IFT74: variants seen among roughly 807,000 people sequenced by gnomAD.
IFT74 encodes intraflagellar transport 74.
In IFT74, 92 loss-of-function variants were observed where a neutral mutation model predicts 96.7. That is an observed-to-expected ratio of 0.95 (90% CI 0.80 to 1.13). IFT74 has a LOEUF of 1.13. Among genes scored for constraint, IFT74 ranks in the 50% most tolerant of loss-of-function variants. IFT74 has a pLI of 0.00. For missense variants in IFT74, 811 were observed against 698.2 expected (o/e 1.16, Z -1.82); for synonymous variants, 223 against 213.2 (o/e 1.05, Z -0.40).
rs1164348152 is a variant in IFT74 at position 26,984,528 on chromosome 9, A to G, written c.434A>G (p.Glu145Gly). The change falls in exon 6 of 20, where the codon GAG becomes GGG. Residue 145 changes from glutamate (E) to glycine (G), a missense_variant. By Grantham distance (98) the Glu-to-Gly change is moderately conservative. Transcript: ENST00000380062. ...GAGACTTTAGCTGTTGAGATAAAAG[A>G]GCTTCAAGGACAACTAGCAGACTAC... is the stretch of plus-strand genomic sequence containing the variant. The part of the protein sequence containing the change: ...RAETLAVEIK[E>G]LQGQLADYNM... The G allele has an allele frequency of 1.2e-6, 2 of 1,612,490 alleles. No individual in the cohort carries two copies. The highest frequency in any genetic ancestry group is 1.7e-6 in the Non-Finnish European group (2 of 1,178,896).
chr9:27,047,473 A>C, intron 15 of IFT74, 102 bp downstream of exon 15: 2 of 606,672 alleles, frequency 3.3e-6, no homozygotes, highest in Non-Finnish European at 5.7e-6. Flanking sequence ...GTATCTTCTC[A>C]TTTAACTGCT....
intron 2 of IFT74, among the ~76,000 whole-genome samples, chr9:26,967,973 A>G (rs1472416291): frequency 2.0e-5 from 3 of 151,834 alleles, no homozygotes; most frequent in Non-Finnish European, 4.4e-5. Flanking sequence ...TGTGTTGTTT[A>G]ATTCAGTTTG....
chr9:26,951,916 T>G (rs976427541), upstream of IFT74, among the ~76,000 whole-genome samples: 1 of 152,138 alleles, frequency 6.6e-6, no homozygotes, highest in African/African-American at 2.4e-5. Context: ...AAGTGAAATA[T>G]GAACTTCATC....
chr9:26,951,974 T>C (rs1383466169), upstream of IFT74, among the ~76,000 whole-genome samples: 1 of 152,246 alleles, frequency 6.6e-6, no homozygotes, highest in Non-Finnish European at 1.5e-5. Flanking sequence ...TTGCCAGTAC[T>C]GTGGAACATG....
intron 2 of IFT74, among the ~76,000 whole-genome samples, chr9:26,975,754 T>TAATC (rs1422191487): frequency 2.0e-5 from 3 of 152,174 alleles, no homozygotes; most frequent in Non-Finnish European, 4.4e-5. Flanking sequence ...TATTAGAGAT[T>TAATC]TCTTGCCTAT....
At chr9:26,950,464 T>TG (rs986453449) in intron 1 of IFT74, among the ~76,000 whole-genome samples, 6 of 152,182 alleles carry the variant, frequency 3.9e-5, no homozygotes, top group South Asian at 4.1e-4. Context: ...GGAGTTGGGG[T>TG]GGGGGGTCAC....
intron 8 of IFT74, chr9:26,995,238 A>G (rs1366020934): frequency 4.6e-6 from 1 of 218,740 alleles, no homozygotes; most frequent in Non-Finnish European, 9.1e-6. Flanking sequence ...TTCATGAATA[A>G]TTTAGACCTT....
At chr9:27,010,775 A>G (rs913154338) in intron 9 of IFT74, among the ~76,000 whole-genome samples, 19 of 152,116 alleles carry the variant, frequency 1.2e-4, no homozygotes, top group South Asian at 6.2e-4. Context: ...GCCGAGATCC[A>G]CTTTTTTAGG....
rs1294427976 is a variant in IFT74 at position 26,982,543 on chromosome 9, C to T, written c.306-1714C>T. On this transcript the variant is annotated intron_variant, in intron 4 of 19. Transcript: ENST00000380062. ...CTGATCTCTGGCACCGCAACCTCCG[C>T]CTCCCGGGTTCAAGTGATTCTCCTG... The T allele has an allele frequency of 1.4e-5, 4 of 288,144 alleles. No individual in the cohort carries two copies. In the East Asian group the frequency reaches 3.9e-4, roughly 28 times the overall value. The allele number at this position is 288,144 out of a possible 1,614,324, so 17.8% of individuals were successfully genotyped here. A position where few individuals can be genotyped will look rare whatever the true frequency, so the allele number is the denominator to read the frequency against.
chr9:26,961,609 G>C (rs2131478578), intron 1 of IFT74, among the ~76,000 whole-genome samples: 1 of 152,280 alleles, frequency 6.6e-6, no homozygotes, highest in South Asian at 2.1e-4. Context: ...TCATGGACCA[G>C]AAAGTGCAGA....
chr9:26,990,721 G>C (rs1041834262), intron 8 of IFT74, among the ~76,000 whole-genome samples: 8 of 152,162 alleles, frequency 5.3e-5, no homozygotes, highest in African/African-American at 1.7e-4. Flanking sequence ...TGGGAGTAAT[G>C]CCTACAAAGA....
intron 12 of IFT74, among the ~76,000 whole-genome samples, chr9:27,026,300 GCACC>G (rs1829856742): frequency 6.6e-6 from 1 of 152,116 alleles, no homozygotes; most frequent in South Asian, 2.1e-4. Context: ...AAATCTATAT[GCACC>G]TAACACTAGA....
At position 27,011,975 on chromosome 9, in the gene IFT74, A is replaced by G. The variant is rs747124925; in HGVS notation, c.789+7A>G. 3 of 1,560,254 alleles carry G rather than the reference A, an allele frequency of 1.9e-6. No individual in the cohort carries two copies. The highest frequency in any genetic ancestry group is 1.7e-6 in the Non-Finnish European group (2 of 1,148,968). ...AAAAGAGAGCCTGGAAGCAGTAAGT[A>G]TAAAATCAAATAAGGGTTCTCATAC... On this transcript the variant is annotated splice_region_variant and intron_variant, in intron 10 of 19. Coordinates refer to ENST00000380062, the MANE Select transcript of IFT74 (RefSeq NM_025103.4).
intron 4 of IFT74, chr9:26,982,473 T>TG (rs1827427742): frequency 2.8e-6 from 1 of 350,956 alleles, no homozygotes; most frequent in African/African-American, 2.4e-5. Context: ...TTTTTTTTTT[T>TG]GAGACAGAGT....
chr9:26,947,309 G>A, intron 1 of IFT74: 1 of 466,064 alleles, frequency 2.1e-6, no homozygotes. Context: ...CGTCCCAACC[G>A]CCGACGCCGA....
intron 10 of IFT74, among the ~76,000 whole-genome samples, chr9:27,016,377 T>G (rs1369540312): frequency 6.6e-6 from 1 of 152,202 alleles, no homozygotes; most frequent in Non-Finnish European, 1.5e-5. Context: ...TGACCATATC[T>G]TAACTTGACT....
chr9:26,995,903 A>G (rs554756773), intron 8 of IFT74: 3 of 1,238,148 alleles, frequency 2.4e-6, no homozygotes, highest in Admixed American at 4.6e-5. Context: ...AAGTTGGCAA[A>G]ATAATCATAA....
intron 7 of IFT74, 40 bp from the exon 8 acceptor site, chr9:26,990,094 A>G (rs371478515): frequency 7.7e-7 from 1 of 1,299,542 alleles, no homozygotes; most frequent in South Asian, 1.8e-5. Context: ...ATTTGGTTTA[A>G]TATTTATTTC....
intron 10 of IFT74, among the ~76,000 whole-genome samples, chr9:27,012,856 A>T (rs1187271464): frequency 6.6e-6 from 1 of 151,402 alleles, no homozygotes; most frequent in Non-Finnish European, 1.5e-5. Context: ...AGCTGGGACT[A>T]CAGGCACCCG....
Sources: allele counts gnomAD v4.1 joint callset (sites outside exome capture counted in the v4.1 genomes callset), GRCh38; gene constraint gnomAD v4.1.1; transcripts MANE v1.5; gene names NCBI Gene and HGNC (gene_info 2026-07-23, HGNC 2026-07-21).